TSEN15: variants seen among roughly 807,000 people sequenced by gnomAD.
TSEN15 encodes the protein tRNA-splicing endonuclease subunit Sen15.
Under a neutral mutation model 20.5 loss-of-function variants are expected in TSEN15, and 10 were observed. The observed-to-expected ratio is 0.49, with a 90% CI of 0.30 to 0.83. The LOEUF (loss-of-function observed/expected upper bound fraction) is 0.83. Ranked by LOEUF, TSEN15 falls within the 40% of genes least tolerant of loss-of-function variation. The pLI is 0.06. For missense variants in TSEN15, 180 were observed against 218.6 expected, an observed-to-expected ratio of 0.82 and a Z score of 1.11; for synonymous variants, 72 against 80.1, an observed-to-expected ratio of 0.90 and a Z score of 0.54.
At chr1:184,054,331 G>C in intron 1 of TSEN15, 23 bp from the exon 2 acceptor site, 1 of 1,404,434 alleles carries the variant, frequency 7.1e-7, no homozygotes, top group Non-Finnish European at 1.0e-6. Flanking sequence ...TTCTCAATTT[G>C]ACAATTATAT....
chr1:184,077,127 GGCTTCAAA>G (rs1651075421), downstream of TSEN15, among the ~76,000 whole-genome samples: 1 of 150,388 alleles, frequency 6.6e-6, no homozygotes, highest in African/African-American at 2.5e-5. Flanking sequence ...GCCAATGTCT[GGCTTCAAA>G]GCTTCAAAGG....
intron 3 of TSEN15, among the ~76,000 whole-genome samples, chr1:184,067,941 A>AAATATAT (rs1400681024): frequency 1.3e-4 from 12 of 95,572 alleles, no homozygotes; most frequent in South Asian, 3.6e-4. Flanking sequence ...AAAAAAAAAA[A>AAATATAT]ATATATATAT....
At chr1:184,067,653 C>T (rs896492403) in intron 3 of TSEN15, among the ~76,000 whole-genome samples, 1 of 152,028 alleles carries the variant, frequency 6.6e-6, no homozygotes, top group Admixed American at 6.6e-5. Flanking sequence ...CACAGTGGCT[C>T]ACGCCTGTAA....
intron 1 of TSEN15, 53 bp downstream of exon 1, chr1:184,051,943 A>T: frequency 1.4e-6 from 2 of 1,448,914 alleles, no homozygotes; most frequent in Non-Finnish European, 1.8e-6. Flanking sequence ...ACCCAGGCAG[A>T]ACACTCCCAG....
chr1:184,097,459 A>G (rs1651475783), exon 4 of TSEN15: 1 of 152,194 alleles, frequency 6.6e-6, no homozygotes, highest in South Asian at 2.1e-4. Flanking sequence ...TTCCTTTATC[A>G]CAGATGGATG....
chr1:184,062,985 A>G (rs1360426003), intron 3 of TSEN15, among the ~76,000 whole-genome samples: 7 of 152,228 alleles, frequency 4.6e-5, no homozygotes, highest in African/African-American at 7.2e-5. Context: ...TTCTTTCCCC[A>G]AAGGATTGTA....
chr1:184,054,387 G>A lies in TSEN15; in HGVS notation c.169G>A (p.Ala57Thr). The change falls in exon 2 of 5, where the codon GCC (alanine) becomes ACC (threonine). Residue 57 changes from alanine to threonine, a missense_variant. Ala to Thr is a moderately conservative substitution (Grantham distance 58, BLOSUM62 0). This residue lies in a region of TSEN15 where 76 missense variants were observed against 123.4 expected (regional missense o/e 0.62). Transcript: ENST00000645668. ...AATGATGGAATTAGATATAGGAGAT[G>A]CCACCCAAGTTTATGTAGCGTTCTT... ...LEMMELDIGDATQVYVAFLVY... is the reference protein window; with the variant it reads ...LEMMELDIGDTTQVYVAFLVY... The A allele has an allele frequency of 6.2e-7, 1 of 1,608,844 alleles. No individual in the cohort carries two copies. Among genetic ancestry groups the A allele is most frequent in the Non-Finnish European group, 8.5e-7 (1 of 1,175,694 alleles).
At chr1:184,092,701 C>G (rs1282995764) in intron 3 of TSEN15, among the ~76,000 whole-genome samples, 2 of 152,254 alleles carry the variant, frequency 1.3e-5, no homozygotes, top group South Asian at 4.1e-4. Flanking sequence ...GGAGCTCCCT[C>G]AGGCCAGCCC....
At chr1:184,077,145 G>C (rs1651075787), downstream of TSEN15, among the ~76,000 whole-genome samples, 1 of 151,808 alleles carries the variant, frequency 6.6e-6, no homozygotes. Context: ...AGCTTCAAAG[G>C]ATGGGCTAAT....
At chr1:184,075,993 G>T (rs1049079964), downstream of TSEN15, among the ~76,000 whole-genome samples, 2 of 150,816 alleles carry the variant, frequency 1.3e-5, no homozygotes, top group Non-Finnish European at 3.0e-5. Flanking sequence ...TGAATTTCAG[G>T]ATCACATCAC....
intron 3 of TSEN15, among the ~76,000 whole-genome samples, chr1:184,086,225 T>A (rs1192263329): frequency 1.3e-5 from 2 of 152,142 alleles, no homozygotes; most frequent in Non-Finnish European, 2.9e-5. Flanking sequence ...TTCTAAATTT[T>A]AAAAAAATGT....
chr1:184,059,576 C>A (rs1650370612), intron 3 of TSEN15, among the ~76,000 whole-genome samples: 1 of 151,746 alleles, frequency 6.6e-6, no homozygotes, highest in Admixed American at 6.6e-5. Flanking sequence ...ACCTTTATAC[C>A]TTCTTTTTTT....
intron 3 of TSEN15, among the ~76,000 whole-genome samples, chr1:184,079,529 C>T (rs1331912155): frequency 6.6e-6 from 1 of 152,044 alleles, no homozygotes; most frequent in Non-Finnish European, 1.5e-5. Flanking sequence ...GCTGTGTCCT[C>T]ACATGGCCTT....
At chr1:184,070,182 A>G (rs868671327) in intron 3 of TSEN15, among the ~76,000 whole-genome samples, 3 of 152,160 alleles carry the variant, frequency 2.0e-5, no homozygotes, top group South Asian at 2.1e-4. Context: ...GGAAATTTCT[A>G]TTCTAAATTT....
intron 3 of TSEN15, among the ~76,000 whole-genome samples, chr1:184,067,574 A>G (rs902637229): frequency 6.6e-6 from 1 of 152,138 alleles, no homozygotes; most frequent in African/African-American, 2.4e-5. Context: ...CTTAAAGAAC[A>G]TAAGAATATA....
At position 184,073,143 on chromosome 1, in the gene TSEN15, T is replaced by C. The variant is rs891249249; in HGVS notation, c.*296T>C. The C allele has an allele frequency of 4.8e-5, 14 of 291,870 alleles. No individual in the cohort carries two copies. The highest frequency in any genetic ancestry group is 3.1e-4 in the African/African-American group (14 of 45,810). 18.1% of individuals were successfully genotyped at this position (291,870 alleles called of 1,614,324 possible). ...ATGGGTGGGACCTGTGTGCTGCTTT[T>C]GTCATCCCACACTCAAAGTTGTCTC... On this transcript the variant is annotated 3_prime_UTR_variant, in exon 5 of 5. Coordinates refer to ENST00000645668, the MANE Select transcript of TSEN15 (RefSeq NM_052965.4).
At chr1:184,054,226 G>T in intron 1 of TSEN15, 128 bp from the exon 2 acceptor site, 1 of 557,160 alleles carries the variant, frequency 1.8e-6, no homozygotes, top group Non-Finnish European at 3.1e-6. Flanking sequence ...ATCTTATATT[G>T]CCTTTTAACT....
chr1:184,078,071 G>A (rs577188055), downstream of TSEN15, among the ~76,000 whole-genome samples: 9 of 152,224 alleles, frequency 5.9e-5, no homozygotes, highest in East Asian at 1.7e-3. Flanking sequence ...TTTTGTGAAA[G>A]GAGGAGTCAA....
At chr1:184,077,250 A>G (rs144137103), downstream of TSEN15, among the ~76,000 whole-genome samples, 858 of 152,252 alleles carry the variant, frequency 5.6e-3, 6 homozygotes, top group African/African-American at 0.019. Flanking sequence ...ATTACGCCCA[A>G]TCTACTCTAC....
Sources: allele counts gnomAD v4.1 joint callset (sites outside exome capture counted in the v4.1 genomes callset), GRCh38; gene constraint gnomAD v4.1.1; regional missense constraint gnomAD v4.1.1; transcripts MANE v1.5; gene names NCBI Gene and HGNC (gene_info 2026-07-23, HGNC 2026-07-21).